TCERG1L: variants seen among roughly 807,000 people sequenced by gnomAD.
The protein encoded by TCERG1L is transcription elongation regulator 1-like protein.
A neutral mutation model predicts 56.3 loss-of-function variants in TCERG1L; 37 were observed. The observed-to-expected ratio is 0.66, with a 90% confidence interval of 0.51 to 0.87. TCERG1L has a LOEUF of 0.87. TCERG1L is among the 40% of genes least tolerant of loss of function. The pLI is 0.00. For missense variants in TCERG1L, 799 were observed against 774.2 expected (o/e 1.03, Z -0.38); for synonymous variants, 324 against 326.3 (o/e 0.99, Z 0.08).
intron 3 of TCERG1L, among the ~76,000 whole-genome samples, chr10:131,303,602 T>C (rs112282155): frequency 7.2e-5 from 11 of 152,226 alleles, no homozygotes; most frequent in Non-Finnish European, 1.3e-4. Flanking sequence ...GTCAAAGCAA[T>C]ATAGGTTTGT....
intron 4 of TCERG1L, among the ~76,000 whole-genome samples, chr10:131,258,983 C>T (rs2280199): frequency 0.46 from 69,867 of 151,942 alleles, 16,374 homozygotes; most frequent in East Asian, 0.68. Flanking sequence ...TGTTCCACAC[C>T]GAGATTATCC....
chr10:131,188,984 T>TA (rs1158765222), intron 4 of TCERG1L, among the ~76,000 whole-genome samples: 3 of 152,244 alleles, frequency 2.0e-5, no homozygotes, highest in East Asian at 1.9e-4. Flanking sequence ...TTTGCACCTT[T>TA]AAAAAAATCT....
rs373129269 is a variant in TCERG1L, at chr10:131,093,312, C to A, written c.1611G>T (p.Thr537=). Residue 537 remains threonine, a synonymous_variant, in exon 12 of 12, where the codon ACG becomes ACT. Coordinates refer to ENST00000368642, the MANE Select transcript of TCERG1L (RefSeq NM_174937.4). ...CGTATTTCTCTGCAAACTCCTTAAACGTGGTCCTGAAAAAGAAAGAGTTTC... is the reference window on the plus strand; with the variant it reads ...CGTATTTCTCTGCAAACTCCTTAAAAGTGGTCCTGAAAAAGAAAGAGTTTC... ...LEESKVSPRT[T]FKEFAEKYGR... is the part of the protein sequence containing the mutation. 59 of 1,612,256 alleles carry A rather than the reference C, an allele frequency of 3.7e-5. No homozygotes were observed. Among genetic ancestry groups the A allele is most frequent in the Admixed American group, 1.7e-5 (1 of 59,652 alleles).
At chr10:131,269,563 G>T (rs1424367078) in intron 3 of TCERG1L, among the ~76,000 whole-genome samples, 1 of 152,184 alleles carries the variant, frequency 6.6e-6, no homozygotes. Flanking sequence ...ATGGGGAAAG[G>T]CTGGTTGGTG....
chr10:131,301,959 G>A (rs1846765958), intron 3 of TCERG1L, among the ~76,000 whole-genome samples: 1 of 152,062 alleles, frequency 6.6e-6, no homozygotes, highest in Non-Finnish European at 1.5e-5. Context: ...GGCAAAAGTT[G>A]ATAAGAAGAA....
intron 3 of TCERG1L, among the ~76,000 whole-genome samples, chr10:131,269,182 A>ATTTATTTGTTTG (rs59572948): frequency 0.69 from 104,189 of 151,152 alleles, 37,320 homozygotes; most frequent in Non-Finnish European, 0.8. Context: ...TACAATTTCT[A>ATTTATTTGTTTG]TTTGTTTGTT....
At chr10:131,177,883 T>C (rs1175722230) in intron 4 of TCERG1L, among the ~76,000 whole-genome samples, 1 of 151,006 alleles carries the variant, frequency 6.6e-6, no homozygotes, top group Non-Finnish European at 1.5e-5. Context: ...CGATCTCGCA[T>C]GACGCTCGCA....
At chr10:131,113,570 T>C (rs1031487287) in intron 9 of TCERG1L, among the ~76,000 whole-genome samples, 4 of 141,896 alleles carry the variant, frequency 2.8e-5, no homozygotes, top group African/African-American at 9.9e-5. Flanking sequence ...CAAGGAGAAA[T>C]CGTCACAGCG....
At chr10:131,114,916 C>A (rs1438153325) in intron 9 of TCERG1L, among the ~76,000 whole-genome samples, 1 of 152,240 alleles carries the variant, frequency 6.6e-6, no homozygotes, top group Non-Finnish European at 1.5e-5. Context: ...CCAGCCTGGC[C>A]AGGCCTATTC....
chr10:131,155,498 G>T (rs999587136), intron 6 of TCERG1L, among the ~76,000 whole-genome samples: 11 of 152,316 alleles, frequency 7.2e-5, no homozygotes, highest in African/African-American at 2.4e-4. Context: ...GTTCAGCCAG[G>T]CTCCACCCGG....
chr10:131,240,258 C>T (rs895209972), intron 4 of TCERG1L, among the ~76,000 whole-genome samples: 3 of 152,124 alleles, frequency 2.0e-5, no homozygotes, highest in Non-Finnish European at 4.4e-5. Flanking sequence ...GCATCAGATC[C>T]CTAAAGGCAG....
At chr10:131,098,534 T>C in intron 10 of TCERG1L, 110 bp from the exon 11 acceptor site, 2 of 1,370,848 alleles carry the variant, frequency 1.5e-6, no homozygotes, top group Non-Finnish European at 9.7e-7. Context: ...GCAAAAGCTG[T>C]TCTTGTTTAC....
intron 3 of TCERG1L, among the ~76,000 whole-genome samples, chr10:131,303,382 G>T (rs1009399551): frequency 1.3e-5 from 2 of 152,054 alleles, no homozygotes; most frequent in African/African-American, 4.8e-5. Flanking sequence ...GACCAGTGAT[G>T]ATGAGCTTTT....
Position 131,222,701 on chromosome 10 carries a change from A to C in TCERG1L, c.856+37558T>G, listed in dbSNP as rs1228770239. 2.0e-5 allele frequency among the ~76,000 whole-genome samples: 3 copies of C among 152,216 alleles called. No individual in the cohort carries two copies. The East Asian group carries it at 5.8e-4, about 29-fold the overall frequency. ...CCCTACTCAGGAAAGACTATGTCTA[A>C]GCAGTCACGGCAACAGCCTCATTAA... On this transcript the variant is annotated intron_variant, in intron 4 of 11. Transcript: ENST00000368642.
chr10:131,291,357 G>A (rs1367957218), intron 3 of TCERG1L, among the ~76,000 whole-genome samples: 1 of 127,014 alleles, frequency 7.9e-6, no homozygotes, highest in African/African-American at 2.9e-5. Context: ...TATATAGATA[G>A]ATACCTTTAA....
chr10:131,242,357 A>G (rs1324057123), intron 4 of TCERG1L, among the ~76,000 whole-genome samples: 1 of 152,178 alleles, frequency 6.6e-6, no homozygotes, highest in Non-Finnish European at 1.5e-5. Flanking sequence ...ACATCTTGGC[A>G]ATGTGTAAGA....
intron 4 of TCERG1L, among the ~76,000 whole-genome samples, chr10:131,186,316 A>C (rs556898904): frequency 9.6e-4 from 146 of 152,304 alleles, no homozygotes; most frequent in Non-Finnish European, 1.8e-3. Flanking sequence ...AATTGCGCTC[A>C]ATGCTGCTGA....
At chr10:131,249,935 G>A (rs572418570) in intron 4 of TCERG1L, among the ~76,000 whole-genome samples, 3 of 152,194 alleles carry the variant, frequency 2.0e-5, no homozygotes, top group South Asian at 2.1e-4. Context: ...TCCCAGCAAA[G>A]AAAGCTCTGC....
At chr10:131,102,858 C>G (rs1342254659) in intron 10 of TCERG1L, among the ~76,000 whole-genome samples, 1 of 152,152 alleles carries the variant, frequency 6.6e-6, no homozygotes, top group African/African-American at 2.4e-5. Context: ...ATCGGTCCCT[C>G]TCCCAGCAAC....
Sources: allele counts gnomAD v4.1 joint callset (sites outside exome capture counted in the v4.1 genomes callset), GRCh38; gene constraint gnomAD v4.1.1; transcripts MANE v1.5; gene names NCBI Gene and HGNC (gene_info 2026-07-23, HGNC 2026-07-21).